OPHN1: variants seen among roughly 807,000 people sequenced by gnomAD.
The protein encoded by OPHN1 is oligophrenin 1.
A neutral mutation model predicts 60.7 loss-of-function variants in OPHN1; 11 were observed. The ratio of observed to expected loss-of-function variants is 0.18; its 90% CI spans 0.11 to 0.30. The LOEUF (loss-of-function observed/expected upper bound fraction) is 0.30. Ranked by LOEUF, OPHN1 falls within the 10% of genes least tolerant of loss-of-function variation. The probability of loss-of-function intolerance (pLI) is 1.00; values close to 1 mark genes in which losing one functional copy is unlikely to be tolerated. For synonymous variants in OPHN1, 226 were observed against 222.6 expected, an observed-to-expected ratio of 1.02 and a Z score of -0.14; for missense variants, 449 against 611.0, an observed-to-expected ratio of 0.73 and a Z score of 2.80.
intron 15 of OPHN1, among the ~76,000 whole-genome samples, chrX:68,178,550 C>T (rs761205165): frequency 1.1e-4 from 12 of 110,701 alleles, no homozygotes; most frequent in South Asian, 3.9e-4. Flanking sequence ...ATTACAGGTG[C>T]GCACCACCAC....
chrX:68,143,975 C>T (rs2077253458), intron 15 of OPHN1, among the ~76,000 whole-genome samples: 2 of 111,482 alleles, frequency 1.8e-5, no homozygotes, highest in South Asian at 7.6e-4. Flanking sequence ...ATGGGAAAGA[C>T]ATTTCAGGAC....
chrX:68,269,241 G>A (rs1336501641), intron 5 of OPHN1, among the ~76,000 whole-genome samples: 3 of 111,193 alleles, frequency 2.7e-5, no homozygotes, highest in Admixed American at 9.6e-5. Context: ...AAACTACTTT[G>A]AAGTTCATAT....
At chrX:68,157,811 C>T (rs1231467931) in intron 15 of OPHN1, among the ~76,000 whole-genome samples, 1 of 111,940 alleles carries the variant, frequency 8.9e-6, no homozygotes, top group Admixed American at 9.5e-5. Flanking sequence ...AAATTCATAC[C>T]CCTATGGAGC....
At chrX:68,094,303 A>G (rs956817536) in intron 19 of OPHN1, among the ~76,000 whole-genome samples, 2 of 111,473 alleles carry the variant, frequency 1.8e-5, no homozygotes, top group African/African-American at 3.3e-5. Context: ...ACCTCTGCCA[A>G]TTGTACACTG....
At chrX:68,096,727 G>T in intron 19 of OPHN1, 143 bp downstream of exon 19, 1 of 580,747 alleles carries the variant, frequency 1.7e-6, no homozygotes. Context: ...CAGGGTCAGA[G>T]TTGCCATTAA....
At chrX:68,052,244 C>T (rs1321740939) in intron 23 of OPHN1, among the ~76,000 whole-genome samples, 1 of 103,315 alleles carries the variant, frequency 9.7e-6, no homozygotes, top group Admixed American at 1.1e-4. Flanking sequence ...GAGCCAAGAT[C>T]GTGCCACTGC....
At chrX:68,083,880 A>G (rs1188625639) in intron 19 of OPHN1, among the ~76,000 whole-genome samples, 1 of 111,694 alleles carries the variant, frequency 9.0e-6, no homozygotes, top group Non-Finnish European at 1.9e-5. Flanking sequence ...CAGTCAGAAC[A>G]TACAACATTT....
intron 2 of OPHN1, among the ~76,000 whole-genome samples, chrX:68,376,251 A>G (rs2078556252): frequency 8.9e-6 from 1 of 111,927 alleles, no homozygotes; most frequent in South Asian, 3.7e-4. Flanking sequence ...ACTCAAATGG[A>G]ACAACTGCAA....
chrX:68,230,182 A>C (rs1396975071), intron 6 of OPHN1, among the ~76,000 whole-genome samples: 2 of 112,010 alleles, frequency 1.8e-5, no homozygotes, highest in Admixed American at 9.5e-5. Flanking sequence ...GTCACTGGTC[A>C]TCAGAGAAAT....
At chrX:68,129,577 T>A (rs181222980) in intron 15 of OPHN1, among the ~76,000 whole-genome samples, 21 of 112,173 alleles carry the variant, frequency 1.9e-4, no homozygotes, top group Non-Finnish European at 3.2e-4. Context: ...GAAAATATAT[T>A]GGTAAAGACC....
chrX:68,106,413 T>A (rs1473818481), intron 18 of OPHN1, among the ~76,000 whole-genome samples: 1 of 111,230 alleles, frequency 9.0e-6, no homozygotes, highest in East Asian at 2.8e-4. Flanking sequence ...GAACCTTTCA[T>A]CCAAGATGTT....
At chrX:68,123,685 T>C (rs2077158677) in intron 15 of OPHN1, among the ~76,000 whole-genome samples, 1 of 111,304 alleles carries the variant, frequency 9.0e-6, no homozygotes, top group South Asian at 3.8e-4. Flanking sequence ...TAATGGGTTA[T>C]AAGAGAGAAT....
chrX:68,213,042 A>G (rs993792992), intron 7 of OPHN1, among the ~76,000 whole-genome samples: 2 of 112,394 alleles, frequency 1.8e-5, no homozygotes, highest in African/African-American at 6.5e-5. Flanking sequence ...GATACACAAC[A>G]TATATTGGTG....
intron 15 of OPHN1, among the ~76,000 whole-genome samples, chrX:68,173,826 A>G (rs1188300173): frequency 9.0e-6 from 1 of 111,650 alleles, no homozygotes; most frequent in African/African-American, 3.3e-5. Context: ...ACTTAATGTT[A>G]AGTGAAAGAA....
intron 18 of OPHN1, among the ~76,000 whole-genome samples, chrX:68,105,407 C>T (rs1026719247): frequency 4.5e-5 from 5 of 110,840 alleles, no homozygotes; most frequent in East Asian, 2.8e-4. Context: ...GGAACCAACA[C>T]AAATGCCCAT....
chrX:68,392,240 T>C (rs960899120), intron 2 of OPHN1, among the ~76,000 whole-genome samples: 2 of 111,355 alleles, frequency 1.8e-5, no homozygotes, highest in African/African-American at 6.5e-5. Flanking sequence ...ATAGTAAATA[T>C]ATTTTCTCTT....
At chrX:68,392,188 T>C (rs2078656919) in intron 2 of OPHN1, among the ~76,000 whole-genome samples, 1 of 111,537 alleles carries the variant, frequency 9.0e-6, no homozygotes, top group Non-Finnish European at 1.9e-5. Flanking sequence ...TAACTCAACA[T>C]GAAGATGAAC....
At chrX:68,343,046 G>A (rs907035192) in intron 2 of OPHN1, among the ~76,000 whole-genome samples, 26 of 111,033 alleles carry the variant, frequency 2.3e-4, no homozygotes, top group African/African-American at 8.5e-4. Context: ...GGCGAGGCAG[G>A]TGGATCACCT....
intron 15 of OPHN1, among the ~76,000 whole-genome samples, chrX:68,126,794 A>G (rs930687636): frequency 6.2e-5 from 7 of 112,172 alleles, no homozygotes; most frequent in African/African-American, 2.3e-4. Context: ...GTATTCATAG[A>G]GGATTGCCTG....
Sources: allele counts gnomAD v4.1 joint callset (sites outside exome capture counted in the v4.1 genomes callset), GRCh38; gene constraint gnomAD v4.1.1; transcripts MANE v1.5; gene names NCBI Gene and HGNC (gene_info 2026-07-23, HGNC 2026-07-21).